The following NFIB variants were observed in gnomAD, a reference collection of about 807,000 sequenced individuals.
NFIB encodes the protein nuclear factor 1 B-type.
A neutral mutation model predicts 61.5 loss-of-function variants in NFIB; 11 were observed. The observed-to-expected ratio is 0.18, with a 90% confidence interval of 0.11 to 0.30. NFIB has a LOEUF of 0.30. NFIB is among the 10% of genes least tolerant of loss of function. NFIB has a pLI of 1.00. For missense variants in NFIB, 471 were observed against 608.9 expected (o/e 0.77, Z 2.38); for synonymous variants, 260 against 216.5 (o/e 1.20, Z -1.76).
chr9:14,366,473 T>A (rs1186453319), intron 1 of NFIB, among the ~76,000 whole-genome samples: 1 of 152,002 alleles, frequency 6.6e-6, no homozygotes, highest in African/African-American at 2.4e-5. Flanking sequence ...TGACCACAGA[T>A]TTTAATTTTA....
intron 1 of NFIB, among the ~76,000 whole-genome samples, chr9:14,333,276 G>T (rs184797755): frequency 1.3e-5 from 2 of 152,284 alleles, no homozygotes; most frequent in East Asian, 3.9e-4. Flanking sequence ...GAAGATTTGT[G>T]TGCATAGAGA....
chr9:14,124,064 T>C (rs935849771), intron 7 of NFIB, among the ~76,000 whole-genome samples: 2 of 152,180 alleles, frequency 1.3e-5, no homozygotes, highest in Non-Finnish European at 2.9e-5. Context: ...TCCTGAACTC[T>C]TTAAGGACAG....
the NFIB span, among the ~76,000 whole-genome samples, chr9:14,428,542 C>A: frequency 1.3e-5 from 2 of 152,082 alleles, no homozygotes; most frequent in Admixed American, 6.6e-5. Flanking sequence ...GAAATAAGAA[C>A]AAGAGAAAGT....
At chr9:14,426,466 T>G in the NFIB span, among the ~76,000 whole-genome samples, 4 of 152,194 alleles carry the variant, frequency 2.6e-5, no homozygotes, top group African/African-American at 7.2e-5. Context: ...TTCGCTTTCA[T>G]TGTTGTATCT....
chr9:14,339,710 G>T (rs1274904811), intron 1 of NFIB, among the ~76,000 whole-genome samples: 2 of 152,172 alleles, frequency 1.3e-5, no homozygotes, highest in Non-Finnish European at 2.9e-5. Context: ...ATAAACTTCT[G>T]TTAGTCATTA....
At position 14,089,019 on chromosome 9, in the gene NFIB, G is replaced by A. The variant is rs188704022; in HGVS notation, c.1468-693C>T. On this transcript the variant is annotated intron_variant, in intron 10 of 10. Transcript: ENST00000380953. Reference sequence around the variant, plus strand: ...TTTTGTTCTCTACAGAATACCCATCGTGAGGAAAAACATTTACAGGAGGCC... The same window carrying A: ...TTTTGTTCTCTACAGAATACCCATCATGAGGAAAAACATTTACAGGAGGCC... Among the ~76,000 whole-genome samples, 8 of 152,136 alleles carry A rather than the reference G, an allele frequency of 5.3e-5. No homozygotes were observed. In the East Asian group the frequency reaches 7.7e-4, roughly 15 times the overall value.
chr9:14,469,262 C>G, the NFIB span, among the ~76,000 whole-genome samples: 1 of 152,128 alleles, frequency 6.6e-6, no homozygotes, highest in Non-Finnish European at 1.5e-5. Flanking sequence ...AAGATATAAG[C>G]CTGTTATCAA....
chr9:14,415,154 T>C, the NFIB span, among the ~76,000 whole-genome samples: 24,130 of 152,134 alleles, frequency 0.16, 2,006 homozygotes, highest in Non-Finnish European at 0.17. Flanking sequence ...AGGTTCTTAA[T>C]AGAATTTACT....
intron 2 of NFIB, among the ~76,000 whole-genome samples, chr9:14,296,313 C>T (rs995863107): frequency 1.3e-5 from 2 of 152,200 alleles, no homozygotes; most frequent in Admixed American, 6.5e-5. Flanking sequence ...TTTTAATCCT[C>T]GATTTACAGA....
chr9:14,521,883 T>C, the NFIB span, among the ~76,000 whole-genome samples: 1 of 152,358 alleles, frequency 6.6e-6, no homozygotes, highest in Admixed American at 6.5e-5. Context: ...TTGGTAGTCC[T>C]ATGGCCAGGA....
At chr9:14,414,916 T>G in the NFIB span, among the ~76,000 whole-genome samples, 1 of 152,176 alleles carries the variant, frequency 6.6e-6, no homozygotes, top group Non-Finnish European at 1.5e-5. Flanking sequence ...CCAAATCAAA[T>G]GGCCATTCTA....
chr9:14,188,260 C>G (rs1240547587), intron 2 of NFIB, among the ~76,000 whole-genome samples: 1 of 152,272 alleles, frequency 6.6e-6, no homozygotes, highest in East Asian at 1.9e-4. Context: ...TCAATCCTTG[C>G]TTAGTTTTTA....
At chr9:14,518,726 C>G in the NFIB span, among the ~76,000 whole-genome samples, 1 of 152,080 alleles carries the variant, frequency 6.6e-6, no homozygotes, top group Non-Finnish European at 1.5e-5. Flanking sequence ...ACTACTCCCT[C>G]CTTTCCTTGC....
intron 2 of NFIB, among the ~76,000 whole-genome samples, chr9:14,294,793 A>G (rs776483060): frequency 1.3e-5 from 2 of 152,198 alleles, no homozygotes; most frequent in Non-Finnish European, 2.9e-5. Context: ...TAAGAATATG[A>G]TGCCTTTTTA....
intron 2 of NFIB, among the ~76,000 whole-genome samples, chr9:14,199,984 A>G (rs1038512512): frequency 8.5e-5 from 13 of 152,172 alleles, no homozygotes; most frequent in African/African-American, 2.7e-4. Flanking sequence ...ACAGGAGCAG[A>G]AGGGATTGTC....
intron 2 of NFIB, among the ~76,000 whole-genome samples, chr9:14,219,381 T>TAAAAAA (rs751279935): frequency 0.063 from 4,634 of 73,442 alleles, 1,046 homozygotes; most frequent in African/African-American, 0.23. Context: ...AGCACTAGGG[T>TAAAAAA]AAAAAAAAAA....
chr9:14,486,507 A>T, the NFIB span, among the ~76,000 whole-genome samples: 1 of 152,214 alleles, frequency 6.6e-6, no homozygotes, highest in Non-Finnish European at 1.5e-5. Context: ...CAAAATGCAA[A>T]CGGAAGTACC....
chr9:14,244,046 T>C lies in NFIB; in HGVS notation c.562+62943A>G, dbSNP rs539940854. 2.5e-4 allele frequency among the ~76,000 whole-genome samples: 38 copies of C among 152,344 alleles called. No individual in the cohort carries two copies. The South Asian group carries it at 7.2e-3, about 29-fold the overall frequency. On this transcript the variant is annotated intron_variant, in intron 2 of 10. Transcript: ENST00000380953. ...ATTATGTGGTAATACTAATCTATCATACGCAATAATTTTTCTTTCCTGAAT... is the reference window on the plus strand; with the variant it reads ...ATTATGTGGTAATACTAATCTATCACACGCAATAATTTTTCTTTCCTGAAT...
At chr9:14,327,172 G>A (rs958000481) in intron 1 of NFIB, among the ~76,000 whole-genome samples, 3 of 152,124 alleles carry the variant, frequency 2.0e-5, no homozygotes, top group Non-Finnish European at 4.4e-5. Context: ...GCAACAGGAT[G>A]CACGAAAGCG....
Sources: allele counts gnomAD v4.1 joint callset (sites outside exome capture counted in the v4.1 genomes callset), GRCh38; gene constraint gnomAD v4.1.1; transcripts MANE v1.5; gene names NCBI Gene and HGNC (gene_info 2026-07-23, HGNC 2026-07-21).